ZNF365: variants seen among roughly 807,000 people sequenced by gnomAD.
ZNF365 encodes the protein protein ZNF365.
A neutral mutation model predicts 35.0 loss-of-function variants in ZNF365; 22 were observed. The observed-to-expected ratio is 0.63, with a 90% CI of 0.45 to 0.90. The LOEUF is 0.90. Among genes scored for constraint, ZNF365 ranks in the 40% least tolerant of loss-of-function variants. ZNF365 has a pLI of 0.00. For synonymous variants in ZNF365, 188 were observed against 196.2 expected (o/e 0.96, Z 0.35); for missense variants, 448 against 500.3 (o/e 0.90, Z 1.00).
chr10:62,447,486 C>T (rs186065526), intron 3 of ZNF365, among the ~76,000 whole-genome samples: 66 of 152,264 alleles, frequency 4.3e-4, no homozygotes, highest in African/African-American at 1.5e-3. Flanking sequence ...TCTGTTATTT[C>T]CTCCAATCCC....
chr10:62,453,809 A>T lies in ZNF365; in HGVS notation c.925-5932A>T, dbSNP rs112731217. On this transcript the variant is annotated intron_variant, in intron 3 of 4. Transcript: ENST00000395255. ...GATGTTCATTTCAAGATTGTTGAAA[A>T]TAGTGAAAACTTGGAAACAATTTAA... Among the ~76,000 whole-genome samples the T allele has an allele frequency of 4.7e-3, 710 of 152,358 alleles. 5 individuals are homozygous for T. The highest frequency in any genetic ancestry group is 0.016 in the African/African-American group (674 of 41,578).
At chr10:62,433,458 A>G (rs1298184759) in intron 3 of ZNF365, among the ~76,000 whole-genome samples, 5 of 152,194 alleles carry the variant, frequency 3.3e-5, no homozygotes, top group African/African-American at 1.2e-4. Flanking sequence ...TCTTAGGAAA[A>G]CCACACAAAT....
At chr10:62,413,186 C>T (rs192632828) in intron 3 of ZNF365, among the ~76,000 whole-genome samples, 76 of 152,212 alleles carry the variant, frequency 5.0e-4, no homozygotes, top group Middle Eastern at 3.4e-3. Flanking sequence ...ACACCAAAGT[C>T]GTAAACTACT....
intron 3 of ZNF365, among the ~76,000 whole-genome samples, chr10:62,427,396 GC>G (rs1184843163): frequency 1.3e-5 from 2 of 152,186 alleles, no homozygotes; most frequent in Non-Finnish European, 2.9e-5. Flanking sequence ...GGAGCAATAG[GC>G]TATACCACAT....
chr10:62,447,547 C>T (rs1840610735), intron 3 of ZNF365, among the ~76,000 whole-genome samples: 1 of 152,108 alleles, frequency 6.6e-6, no homozygotes, highest in Admixed American at 6.6e-5. Context: ...GATTCCATTG[C>T]TAGTTTTGAT....
At chr10:62,405,988 T>C (rs1228481848), downstream of ZNF365, among the ~76,000 whole-genome samples, 1 of 152,138 alleles carries the variant, frequency 6.6e-6, no homozygotes, top group African/African-American at 2.4e-5. Flanking sequence ...AACACAGAGA[T>C]CTGGTAGAGG....
intron 4 of ZNF365, among the ~76,000 whole-genome samples, chr10:62,473,520 G>A (rs1164602850): frequency 6.6e-6 from 1 of 152,020 alleles, no homozygotes; most frequent in Non-Finnish European, 1.5e-5. Context: ...TGTAATACTA[G>A]TTCTACTATT....
chr10:62,446,955 C>T (rs1222541668), intron 3 of ZNF365, among the ~76,000 whole-genome samples: 3 of 152,144 alleles, frequency 2.0e-5, no homozygotes, highest in South Asian at 2.1e-4. Flanking sequence ...AATGTACACC[C>T]TTTCTCAGCC....
intron 3 of ZNF365, among the ~76,000 whole-genome samples, chr10:62,453,952 T>A (rs1255166918): frequency 2.0e-5 from 3 of 152,240 alleles, no homozygotes; most frequent in Non-Finnish European, 4.4e-5. Context: ...GTACGGATTC[T>A]AAAACTTGAT....
chr10:62,442,478 G>A (rs997483715), intron 3 of ZNF365, among the ~76,000 whole-genome samples: 17 of 152,184 alleles, frequency 1.1e-4, no homozygotes, highest in African/African-American at 4.1e-4. Context: ...TGGTGGGTGG[G>A]GTGGAGGGAG....
downstream of ZNF365, among the ~76,000 whole-genome samples, chr10:62,404,921 C>T (rs1839883208): frequency 6.6e-6 from 1 of 152,102 alleles, no homozygotes; most frequent in Non-Finnish European, 1.5e-5. Flanking sequence ...ATAACACGCA[C>T]CCATATTTAT....
intron 4 of ZNF365, among the ~76,000 whole-genome samples, chr10:62,462,670 GA>G (rs1840866838): frequency 6.6e-6 from 1 of 152,214 alleles, no homozygotes; most frequent in African/African-American, 2.4e-5. Flanking sequence ...GACTTTTGCA[GA>G]ATCCTGGTGT....
intron 3 of ZNF365, among the ~76,000 whole-genome samples, chr10:62,447,988 T>C (rs1038625123): frequency 5.9e-5 from 9 of 152,220 alleles, no homozygotes; most frequent in African/African-American, 2.2e-4. Context: ...TTGAAAGAAC[T>C]GTATCGTGAA....
intron 4 of ZNF365, among the ~76,000 whole-genome samples, chr10:62,460,305 G>A (rs1340456244): frequency 6.6e-6 from 1 of 152,182 alleles, no homozygotes; most frequent in South Asian, 2.1e-4. Context: ...TTATGTGCCA[G>A]GGATGCATTC....
chr10:62,464,012 A>G (rs2132483649), intron 4 of ZNF365, among the ~76,000 whole-genome samples: 1 of 152,230 alleles, frequency 6.6e-6, no homozygotes, highest in East Asian at 1.9e-4. Context: ...ATTATCAATA[A>G]AAAAACAAAA....
chr10:62,389,116 A>G (rs968118257), intron 3 of ZNF365, among the ~76,000 whole-genome samples: 1 of 152,150 alleles, frequency 6.6e-6, no homozygotes, highest in African/African-American at 2.4e-5. Flanking sequence ...TCCTGCATAC[A>G]GTTTTGCATA....
rs193081230 is a variant in ZNF365, at chr10:62,445,402, A to G, written c.925-14339A>G. 7.8e-4 allele frequency among the ~76,000 whole-genome samples: 118 copies of G among 151,872 alleles called. No homozygotes were observed. In the East Asian group the frequency reaches 0.016, roughly 21 times the overall value. ...TTTACAGTCCCACCAACAGTGTAAA[A>G]GTGTTCCTATTTCTCCACATCCTCT... is the stretch of plus-strand genomic sequence containing the variant. On this transcript the variant is annotated intron_variant, in intron 3 of 4. Coordinates refer to the ZNF365 transcript ENST00000395255.
At position 62,422,791 on chromosome 10, in the gene ZNF365, C is replaced by T. The variant is rs530527646; in HGVS notation, c.924+34215C>T. Among the ~76,000 whole-genome samples the T allele has an allele frequency of 5.9e-5, 9 of 152,154 alleles. No individual in the cohort carries two copies. The East Asian group carries it at 1.2e-3, about 20-fold the overall frequency. On this transcript the variant is annotated intron_variant, in intron 3 of 4. Transcript: ENST00000395255. ...CCACCAAACCTTACAATTGGGTGTT[C>T]GTAGAGTACTCCATGATCACAAGAA...
At chr10:62,455,827 G>A (rs1364815316) in intron 3 of ZNF365, among the ~76,000 whole-genome samples, 2 of 152,190 alleles carry the variant, frequency 1.3e-5, no homozygotes, top group Admixed American at 6.5e-5. Flanking sequence ...TTGAAGTACA[G>A]AAAGATCAAT....
Sources: allele counts gnomAD v4.1 joint callset (sites outside exome capture counted in the v4.1 genomes callset), GRCh38; gene constraint gnomAD v4.1.1; transcripts MANE v1.5; gene names NCBI Gene and HGNC (gene_info 2026-07-23, HGNC 2026-07-21).